Variants in TIAM1 observed in about 807,000 individuals in gnomAD.
TIAM1 encodes the protein rho guanine nucleotide exchange factor TIAM1.
In TIAM1, 65 loss-of-function variants were observed where a neutral mutation model predicts 163.5. That is an observed-to-expected ratio of 0.40 (90% CI 0.33 to 0.49). TIAM1 has a LOEUF of 0.49. Among genes scored for constraint, TIAM1 ranks in the 20% least tolerant of loss-of-function variants. The pLI is 0.77. For synonymous variants in TIAM1, 833 were observed against 810.1 expected, an observed-to-expected ratio of 1.03 and a Z score of -0.48; for missense variants, 1,789 against 2,044.7, an observed-to-expected ratio of 0.87 and a Z score of 2.41.
At position 31,388,256 on chromosome 21, in the gene TIAM1, C is replaced by T. The variant is rs937803759; in HGVS notation, c.-368-48834G>A. On this transcript the variant is annotated intron_variant, in intron 2 of 28. Coordinates refer to the TIAM1 transcript ENST00000286827. The stretch of plus-strand genomic sequence containing the variant: ...ACACACACACACACACACACACACA[C>T]ACAACCTCTTACGTGAATACGGTGA... Among the ~76,000 whole-genome samples the T allele has an allele frequency of 3.1e-5, 3 of 96,786 alleles. 1 individual carries two copies. In the Admixed American group the frequency reaches 3.2e-4, roughly 10 times the overall value. The allele number at this position is 96,786 out of a possible 152,430, so 63.5% of individuals were successfully genotyped here.
intron 1 of TIAM1, among the ~76,000 whole-genome samples, chr21:31,513,864 G>A (rs367717133): frequency 3.3e-5 from 5 of 151,968 alleles, no homozygotes; most frequent in African/African-American, 9.6e-5. Context: ...AAAATTAGCC[G>A]GGCATGGTGG....
intron 2 of TIAM1, among the ~76,000 whole-genome samples, chr21:31,308,815 T>A (rs146697330): frequency 9.5e-4 from 145 of 152,242 alleles, no homozygotes; most frequent in African/African-American, 3.0e-3. Context: ...ATAATGAGCG[T>A]CATTCTGTTG....
At chr21:31,222,686 T>G (rs1466849054) in intron 8 of TIAM1, among the ~76,000 whole-genome samples, 92 of 33,658 alleles carry the variant, frequency 2.7e-3, no homozygotes, top group Non-Finnish European at 4.2e-3. Context: ...CATATATATA[T>G]ATATATATAT....
intron 15 of TIAM1, among the ~76,000 whole-genome samples, chr21:31,181,755 TC>T (rs1387536138): frequency 1.2e-3 from 141 of 112,948 alleles, no homozygotes; most frequent in African/African-American, 5.0e-3. Context: ...TTCTTCTTCT[TC>T]TTTTTTTTTT....
chr21:31,409,530 C>T (rs777945446), intron 2 of TIAM1, among the ~76,000 whole-genome samples: 25 of 152,166 alleles, frequency 1.6e-4, no homozygotes, highest in Non-Finnish European at 2.6e-4. Context: ...ACAGTCACTC[C>T]GCACACCGAC....
chr21:31,452,748 C>CA (rs1602314997), intron 2 of TIAM1: 1 of 487,470 alleles, frequency 2.1e-6, no homozygotes, highest in Admixed American at 2.5e-5. Context: ...AAAGTCACTG[C>CA]AAAAAGTAGA....
intron 2 of TIAM1, among the ~76,000 whole-genome samples, chr21:31,422,850 T>G (rs1211936672): frequency 6.6e-6 from 1 of 152,178 alleles, no homozygotes; most frequent in Non-Finnish European, 1.5e-5. Flanking sequence ...TTAAGCATCA[T>G]TGCTCCGTAA....
At chr21:31,537,799 T>G (rs149912833) in intron 1 of TIAM1, among the ~76,000 whole-genome samples, 2 of 151,650 alleles carry the variant, frequency 1.3e-5, no homozygotes, top group Non-Finnish European at 2.9e-5. Context: ...CCCAAGAGGA[T>G]AGAAAACTAG....
intron 13 of TIAM1, among the ~76,000 whole-genome samples, chr21:31,190,884 T>C (rs1337167949): frequency 6.6e-6 from 1 of 152,220 alleles, no homozygotes; most frequent in African/African-American, 2.4e-5. Flanking sequence ...TGATCTGTAT[T>C]GTGAGGTGTT....
intron 9 of TIAM1, among the ~76,000 whole-genome samples, chr21:31,216,838 T>C (rs903571760): frequency 3.9e-5 from 6 of 151,980 alleles, no homozygotes; most frequent in Non-Finnish European, 8.8e-5. Flanking sequence ...TAATGTCAGC[T>C]CCAAAAAGTC....
At chr21:31,334,449 G>C (rs1006163182) in intron 2 of TIAM1, among the ~76,000 whole-genome samples, 1 of 152,078 alleles carries the variant, frequency 6.6e-6, no homozygotes, top group African/African-American at 2.4e-5. Flanking sequence ...ACTGCACTCG[G>C]CTGTTCTTCA....
intron 1 of TIAM1, among the ~76,000 whole-genome samples, chr21:31,465,863 A>G (rs756445053): frequency 7.4e-5 from 11 of 149,294 alleles, no homozygotes; most frequent in African/African-American, 2.7e-4. Context: ...GAGCCACCGC[A>G]CCTGGCTAAT....
intron 15 of TIAM1, among the ~76,000 whole-genome samples, chr21:31,168,998 A>C (rs889009916): frequency 1.3e-5 from 2 of 152,192 alleles, no homozygotes; most frequent in Non-Finnish European, 2.9e-5. Context: ...TATTTTTTTA[A>C]AAGAAGAAAG....
In TIAM1 at chr21:31,266,306, G is replaced by A. The variant is rs1489364206; in HGVS notation, c.667C>T (p.Leu223Phe). The A allele has an allele frequency of 6.2e-6, 10 of 1,614,124 alleles. No individual in the cohort carries two copies. Among genetic ancestry groups the A allele is most frequent in the Non-Finnish European group, 8.5e-6 (10 of 1,180,060 alleles). Residue 223 changes from leucine to phenylalanine, a missense_variant, in exon 4 of 28, where the codon CTC (leucine) becomes TTC (phenylalanine). By Grantham distance (22) the Leu-to-Phe change is conservative. Coordinates refer to ENST00000541036, the MANE Select transcript of TIAM1 (RefSeq NM_001353694.2). Reference protein sequence around the residue: ...GMETRASPRQLSTCQRANSLG... With the variant: ...GMETRASPRQFSTCQRANSLG... ...GAATTGGCTCTCTGACAGGTGCTGA[G>A]CTGCCGCGGACTCGCCCGCGTTTCC...
intron 4 of TIAM1, among the ~76,000 whole-genome samples, chr21:31,252,398 G>A (rs548007742): frequency 1.3e-5 from 2 of 152,232 alleles, no homozygotes; most frequent in African/African-American, 2.4e-5. Context: ...ACCTTCAGCC[G>A]CCCTCCGTGA....
chr21:31,201,163 GA>G (rs1297486870), intron 12 of TIAM1, among the ~76,000 whole-genome samples: 2 of 152,146 alleles, frequency 1.3e-5, no homozygotes, highest in African/African-American at 4.8e-5. Flanking sequence ...TTAACCCCAA[GA>G]TGCAAAATAT....
chr21:31,283,584 G>A (rs556815832), intron 2 of TIAM1, among the ~76,000 whole-genome samples: 96 of 150,756 alleles, frequency 6.4e-4, no homozygotes, highest in East Asian at 9.7e-4. Context: ...TTGCTCTGTC[G>A]CCCAGGCTGG....
intron 13 of TIAM1, among the ~76,000 whole-genome samples, chr21:31,187,513 A>G (rs1176770095): frequency 6.6e-6 from 1 of 152,172 alleles, no homozygotes; most frequent in Non-Finnish European, 1.5e-5. Context: ...GTGTTCATCC[A>G]TATGTATGAC....
intron 2 of TIAM1, among the ~76,000 whole-genome samples, chr21:31,374,652 G>C (rs2147162019): frequency 6.6e-6 from 1 of 152,320 alleles, no homozygotes; most frequent in East Asian, 1.9e-4. Flanking sequence ...CCATCACGCT[G>C]CTCCTGCAAA....
Sources: allele counts gnomAD v4.1 joint callset (sites outside exome capture counted in the v4.1 genomes callset), GRCh38; gene constraint gnomAD v4.1.1; transcripts MANE v1.5; gene names NCBI Gene and HGNC (gene_info 2026-07-23, HGNC 2026-07-21).